AKT3: variants seen among roughly 807,000 people sequenced by gnomAD.
AKT3 encodes AKT serine/threonine kinase 3.
A neutral mutation model predicts 65.3 loss-of-function variants in AKT3; 15 were observed. The ratio of observed to expected loss-of-function variants is 0.23; its 90% CI spans 0.15 to 0.35. The LOEUF (loss-of-function observed/expected upper bound fraction) is 0.35. Among genes scored for constraint, AKT3 ranks in the 10% least tolerant of loss-of-function variants. The pLI, the probability that AKT3 is intolerant of heterozygous loss-of-function variation, is 1.00. For missense variants in AKT3, 243 were observed against 576.5 expected (o/e 0.42, Z 5.92); for synonymous variants, 206 against 183.8 (o/e 1.12, Z -0.98).
intron 2 of AKT3, among the ~76,000 whole-genome samples, chr1:243,763,378 T>C (rs1689618708): frequency 6.6e-6 from 1 of 152,118 alleles, no homozygotes; most frequent in South Asian, 2.1e-4. Context: ...TTATCAATTA[T>C]ATTCAATGAA....
intron 8 of AKT3, among the ~76,000 whole-genome samples, chr1:243,594,328 T>C (rs1446283643): frequency 3.3e-5 from 5 of 152,200 alleles, no homozygotes; most frequent in Admixed American, 3.3e-4. Flanking sequence ...GATTTATGGA[T>C]TAAATGCAAT....
intron 2 of AKT3, among the ~76,000 whole-genome samples, chr1:243,789,135 T>C (rs920974230): frequency 3.3e-5 from 5 of 152,310 alleles, no homozygotes; most frequent in Admixed American, 2.0e-4. Context: ...CCCAGCACTC[T>C]GGGAGGCCAA....
At chr1:243,494,599 C>T (rs952783676) in intron 13 of AKT3, among the ~76,000 whole-genome samples, 6 of 152,124 alleles carry the variant, frequency 3.9e-5, no homozygotes, top group Admixed American at 2.0e-4. Context: ...TATTGAAAAG[C>T]GCATAGGGCT....
intron 9 of AKT3, among the ~76,000 whole-genome samples, chr1:243,567,101 G>A (rs1385104468): frequency 6.6e-6 from 1 of 152,088 alleles, no homozygotes; most frequent in East Asian, 1.9e-4. Flanking sequence ...GCAACATGGT[G>A]AAACCCTGTC....
intron 8 of AKT3, 125 bp from the exon 9 acceptor site, chr1:243,573,173 TG>T: frequency 6.9e-6 from 8 of 1,162,992 alleles, no homozygotes; most frequent in Non-Finnish European, 9.5e-6. Context: ...CAGTGGACAC[TG>T]AGCACTCTTA....
chr1:243,708,830 T>G (rs1326770626), intron 2 of AKT3, among the ~76,000 whole-genome samples: 1 of 152,012 alleles, frequency 6.6e-6, no homozygotes. Flanking sequence ...AGTTCCAAAG[T>G]GTCTTCTTAA....
chr1:243,837,227 G>C (rs1395770602), intron 2 of AKT3, among the ~76,000 whole-genome samples: 1 of 152,002 alleles, frequency 6.6e-6, no homozygotes, highest in Non-Finnish European at 1.5e-5. Flanking sequence ...GAACATCTTG[G>C]ATGAAAAGGA....
chr1:243,650,118 A>G (rs933310100), intron 4 of AKT3, among the ~76,000 whole-genome samples: 1 of 152,180 alleles, frequency 6.6e-6, no homozygotes, highest in African/African-American at 2.4e-5. Flanking sequence ...AACTGGTGTG[A>G]GATGGTATCT....
intron 9 of AKT3, among the ~76,000 whole-genome samples, chr1:243,566,195 T>C (rs777640439): frequency 6.6e-6 from 1 of 152,202 alleles, no homozygotes; most frequent in African/African-American, 2.4e-5. Context: ...TAGCTCCGTG[T>C]GTGTGTACGT....
At chr1:243,622,526 G>T (rs1678832263) in intron 6 of AKT3, among the ~76,000 whole-genome samples, 1 of 152,042 alleles carries the variant, frequency 6.6e-6, no homozygotes, top group Admixed American at 6.6e-5. Context: ...CGTTCAAATG[G>T]TCCCAGTGCC....
At chr1:243,702,109 CAAA>C (rs148524776) in intron 2 of AKT3, among the ~76,000 whole-genome samples, 17,941 of 124,620 alleles carry the variant, frequency 0.14, 1,338 homozygotes, top group Non-Finnish European at 0.2. Context: ...AGAATTTATG[CAAA>C]AAAAAAAAAA....
At chr1:243,822,544 AAAG>A (rs1427699172) in intron 2 of AKT3, among the ~76,000 whole-genome samples, 7 of 152,060 alleles carry the variant, frequency 4.6e-5, no homozygotes, top group African/African-American at 1.4e-4. Flanking sequence ...CTAGATTAAT[AAAG>A]AAGAAAAGAG....
At chr1:243,585,860 C>A (rs1453210207) in intron 8 of AKT3, among the ~76,000 whole-genome samples, 1 of 152,028 alleles carries the variant, frequency 6.6e-6, no homozygotes, top group Non-Finnish European at 1.5e-5. Context: ...TCCTCGATAG[C>A]AATTGAACAA....
intron 2 of AKT3, among the ~76,000 whole-genome samples, chr1:243,780,361 C>T (rs958373550): frequency 3.9e-5 from 6 of 152,028 alleles, no homozygotes; most frequent in Admixed American, 3.9e-4. Context: ...GCTATAAAGG[C>T]AATTATTGGC....
intron 2 of AKT3, among the ~76,000 whole-genome samples, chr1:243,747,320 G>A (rs551871939): frequency 3.3e-5 from 5 of 152,222 alleles, no homozygotes; most frequent in East Asian, 1.9e-4. Context: ...AAAGTTATAC[G>A]GCAAAGTGAA....
At chr1:243,700,709 G>A (rs1191768367) in intron 2 of AKT3, among the ~76,000 whole-genome samples, 2 of 151,948 alleles carry the variant, frequency 1.3e-5, no homozygotes, top group Admixed American at 6.6e-5. Flanking sequence ...TCACCATGTT[G>A]GCCAGGATGG....
At chr1:243,496,597 G>A (rs1052011923), downstream of AKT3, among the ~76,000 whole-genome samples, 3 of 152,234 alleles carry the variant, frequency 2.0e-5, no homozygotes, top group East Asian at 1.9e-4. Context: ...AGCCACCCAC[G>A]GAGACAGTGA....
intron 2 of AKT3, among the ~76,000 whole-genome samples, chr1:243,726,996 C>T (rs907302988): frequency 6.6e-6 from 1 of 152,206 alleles, no homozygotes; most frequent in African/African-American, 2.4e-5. Context: ...GAAGAGATGT[C>T]AGTATTGTGG....
At chr1:243,529,208 T>C (rs946172997) in intron 12 of AKT3, among the ~76,000 whole-genome samples, 1 of 151,790 alleles carries the variant, frequency 6.6e-6, no homozygotes, top group African/African-American at 2.4e-5. Flanking sequence ...TATTAGACCT[T>C]TGTCAGATGC....
Sources: gnomAD v4.1 joint callset for allele counts (sites outside exome capture counted in the v4.1 genomes callset) on GRCh38, gnomAD v4.1.1 for gene constraint, MANE v1.5 for transcripts, NCBI Gene and HGNC (gene_info 2026-07-23, HGNC 2026-07-21) for gene names.